The following USP35 variants were observed in gnomAD, a reference collection of about 807,000 sequenced individuals.
USP35 encodes ubiquitin carboxyl-terminal hydrolase 35.
USP35 carries 69 observed loss-of-function variants against 83.8 expected under a neutral mutation model. The ratio of observed to expected loss-of-function variants is 0.82; its 90% CI spans 0.68 to 1.01. USP35 has a LOEUF of 1.01. Among genes scored for constraint, USP35 ranks in the 50% least tolerant of loss-of-function variants. The pLI is 0.00. For missense variants in USP35, 1,503 were observed against 1,362.5 expected, an observed-to-expected ratio of 1.10 and a Z score of -1.62; for synonymous variants, 714 against 589.5, an observed-to-expected ratio of 1.21 and a Z score of -3.06.
chr11:78,204,031 C>T (rs1490519693), intron 6 of USP35, among the ~76,000 whole-genome samples: 6 of 149,808 alleles, frequency 4.0e-5, no homozygotes, highest in Admixed American at 3.3e-4. Context: ...GCTGGGACTA[C>T]AGGCGCCCGC....
chr11:78,221,667 A>C, the USP35 span: 1 of 1,578,056 alleles, frequency 6.3e-7, no homozygotes, highest in Admixed American at 1.7e-5. Flanking sequence ...GCGAAGCCCG[A>C]AGGACTCACC....
At chr11:78,233,183 G>GC in the USP35 span, among the ~76,000 whole-genome samples, 1 of 152,120 alleles carries the variant, frequency 6.6e-6, no homozygotes, top group East Asian at 1.9e-4. Context: ...GGGGCTACAG[G>GC]CATGTGCCAC....
intron 7 of USP35, 89 bp downstream of exon 7, chr11:78,206,124 T>G: frequency 9.8e-5 from 144 of 1,472,608 alleles, no homozygotes; most frequent in Non-Finnish European, 1.2e-4. Flanking sequence ...GGGGTGGGGG[T>G]TGGAGAGGGT....
At chr11:78,235,419 T>A in the USP35 span, among the ~76,000 whole-genome samples, 1 of 152,144 alleles carries the variant, frequency 6.6e-6, no homozygotes, top group Admixed American at 6.5e-5. Context: ...CCCAAAGTGC[T>A]TGGATTACAG....
chr11:78,200,591 A>G (rs1863318398), intron 5 of USP35, 59 bp from the exon 6 acceptor site: 3 of 1,550,066 alleles, frequency 1.9e-6, no homozygotes, highest in Non-Finnish European at 2.6e-6. Flanking sequence ...CAGGGACCAC[A>G]GCCCCGTGTC....
chr11:78,233,808 T>C, the USP35 span, among the ~76,000 whole-genome samples: 1 of 152,170 alleles, frequency 6.6e-6, no homozygotes, highest in South Asian at 2.1e-4. Context: ...AGCATGGGGC[T>C]TCACCATATT....
chr11:78,205,544 C>T (rs550035328), intron 6 of USP35, among the ~76,000 whole-genome samples: 9 of 152,308 alleles, frequency 5.9e-5, no homozygotes, highest in South Asian at 2.1e-4. Flanking sequence ...TTACTGACAG[C>T]GACCCTGGAC....
chr11:78,230,874 C>G, the USP35 span, among the ~76,000 whole-genome samples: 1 of 152,188 alleles, frequency 6.6e-6, no homozygotes, highest in African/African-American at 2.4e-5. Context: ...GTCTTATGGC[C>G]TTTAGTATTT....
chr11:78,209,759 C>T lies in USP35; in HGVS notation c.1904C>T (p.Pro635Leu). Residue 635 changes from proline (P) to leucine (L), a missense_variant, in exon 10 of 11, where the codon CCA becomes CTA. Pro to Leu is a moderately conservative substitution (Grantham distance 98). Coordinates refer to ENST00000529308, the MANE Select transcript of USP35 (RefSeq NM_020798.4). Reference protein sequence around the residue: ...ELPPPTSAQGPGRVGPRRQRK... With the variant: ...ELPPPTSAQGLGRVGPRRQRK... ...CCCCCACCAACCAGTGCACAGGGGC[C>T]AGGCAGGGTGGGTCCTCGGAGGCAA... 7.4e-6 allele frequency: 12 copies of T among 1,614,038 alleles called. No homozygotes were observed. The highest frequency in any genetic ancestry group is 1.1e-5 in the South Asian group (1 of 91,078).
chr11:78,223,391 CAG>C, the USP35 span: 8 of 1,499,914 alleles, frequency 5.3e-6, no homozygotes, highest in South Asian at 2.7e-5. Context: ...AGAGATGGGA[CAG>C]GGGAAAGAAT....
intron 7 of USP35, among the ~76,000 whole-genome samples, chr11:78,207,035 A>G (rs754818513): frequency 5.3e-5 from 8 of 152,238 alleles, no homozygotes; most frequent in Non-Finnish European, 1.0e-4. Context: ...GGCAGGGGCC[A>G]GGGCCCTGAC....
At chr11:78,211,788 A>T (rs969679138) in intron 10 of USP35, among the ~76,000 whole-genome samples, 20 of 151,976 alleles carry the variant, frequency 1.3e-4, no homozygotes, top group Admixed American at 2.0e-4. Flanking sequence ...CCCACTTTTT[A>T]ATGGGGTTGT....
Position 78,214,234 on chromosome 11 carries a change from A to AGAGAGGCGGGGGGGG in USP35, c.*422_*423insAGAGGCGGGGGGGGG, listed in dbSNP as rs1275222810. On this transcript the variant is annotated 3_prime_UTR_variant, in exon 11 of 11. Coordinates refer to ENST00000529308, the MANE Select transcript of USP35 (RefSeq NM_020798.4). ...ACAGCAGGATCCAAGCCTTGCACAA[A>AGAGAGGCGGGGGGGG]GGGGTGGGGGGGGCAGTGTCTCCTC... 2.1e-5 allele frequency: 2 copies of AGAGAGGCGGGGGGGG among 96,196 alleles called. No individual in the cohort carries two copies. The highest frequency in any genetic ancestry group is 1.0e-4 in the African/African-American group (2 of 19,652). The allele number at this position is 96,196 out of a possible 1,614,324, so 6.0% of individuals were successfully genotyped here. A position where few individuals can be genotyped will look rare whatever the true frequency, so the allele number is the denominator to read the frequency against.
At chr11:78,222,004 C>A in the USP35 span, 1 of 808,634 alleles carries the variant, frequency 1.2e-6, no homozygotes, top group Non-Finnish European at 2.2e-6. Context: ...ATAGCGTTAG[C>A]ATCAGAATCC....
At chr11:78,230,951 T>C in the USP35 span, among the ~76,000 whole-genome samples, 1 of 152,208 alleles carries the variant, frequency 6.6e-6, no homozygotes, top group Non-Finnish European at 1.5e-5. Flanking sequence ...GGATGGATAA[T>C]CCACCTGGAA....
chr11:78,225,351 A>C, the USP35 span: 1 of 596,480 alleles, frequency 1.7e-6, no homozygotes, highest in African/African-American at 1.9e-5. Context: ...CTTCGAACAC[A>C]TCACTCCTCA....
intron 10 of USP35, among the ~76,000 whole-genome samples, chr11:78,212,239 G>A (rs979848599): frequency 8.5e-5 from 13 of 152,140 alleles, no homozygotes; most frequent in African/African-American, 3.1e-4. Flanking sequence ...TGTTGAAGAT[G>A]GTTGTAGGTG....
At chr11:78,216,740 G>C (rs1395925378), downstream of USP35, 1 of 152,252 alleles carries the variant, frequency 6.6e-6, no homozygotes, top group African/African-American at 2.4e-5. Context: ...ATGTTTATGG[G>C]AGGCTGCAAT....
intron 6 of USP35, among the ~76,000 whole-genome samples, chr11:78,204,781 A>T (rs568455782): frequency 6.6e-6 from 1 of 152,322 alleles, no homozygotes; most frequent in African/African-American, 2.4e-5. Flanking sequence ...TGTGTTTTTA[A>T]ATCATCTGTG....
Sources: gnomAD v4.1 joint callset for allele counts (sites outside exome capture counted in the v4.1 genomes callset) on GRCh38, gnomAD v4.1.1 for gene constraint, MANE v1.5 for transcripts, NCBI Gene and HGNC (gene_info 2026-07-23, HGNC 2026-07-21) for gene names.